The following ARHGEF26 variants were observed in gnomAD, a reference collection of about 807,000 sequenced individuals.
ARHGEF26 encodes Rho guanine nucleotide exchange factor (GEF) 26.
In ARHGEF26, 59 loss-of-function variants were observed where a neutral mutation model predicts 89.4. That is an observed-to-expected ratio of 0.66 (90% CI 0.54 to 0.82). The LOEUF (loss-of-function observed/expected upper bound fraction) is 0.82, where lower values mean the gene tolerates loss of function less well. ARHGEF26 is among the 40% of genes least tolerant of loss of function. ARHGEF26 has a pLI of 0.00. For missense variants in ARHGEF26, 1,234 were observed against 1,085.6 expected (o/e 1.14, Z -1.92); for synonymous variants, 500 against 428.4 (o/e 1.17, Z -2.06).
At chr3:154,206,179 T>G (rs1361403153) in intron 9 of ARHGEF26, among the ~76,000 whole-genome samples, 1 of 152,206 alleles carries the variant, frequency 6.6e-6, no homozygotes. Context: ...GGTAAAAGTT[T>G]TTTGCCTTCA....
intron 6 of ARHGEF26, among the ~76,000 whole-genome samples, chr3:154,173,387 A>T (rs1712582351): frequency 6.6e-6 from 1 of 152,216 alleles, no homozygotes; most frequent in Admixed American, 6.5e-5. Flanking sequence ...AAAATTATGA[A>T]GAGACAATTG....
intron 12 of ARHGEF26, among the ~76,000 whole-genome samples, chr3:154,245,203 T>C (rs1717729242): frequency 6.6e-6 from 1 of 152,070 alleles, no homozygotes; most frequent in Non-Finnish European, 1.5e-5. Context: ...AATTTTTTTA[T>C]TGTTAGTAGA....
At chr3:154,254,144 TG>T in intron 13 of ARHGEF26, among the ~76,000 whole-genome samples, 1 of 152,308 alleles carries the variant, frequency 6.6e-6, no homozygotes, top group East Asian at 1.9e-4. Flanking sequence ...CCCAATCTCC[TG>T]ACCTCGTGAT....
intron 9 of ARHGEF26, among the ~76,000 whole-genome samples, chr3:154,208,097 T>C (rs1390477126): frequency 1.3e-5 from 2 of 152,006 alleles, no homozygotes; most frequent in Admixed American, 6.6e-5. Flanking sequence ...TATTGGAGGA[T>C]GGTGGGTGGG....
At chr3:154,140,684 G>T (rs921316) in intron 4 of ARHGEF26, among the ~76,000 whole-genome samples, 1 of 149,854 alleles carries the variant, frequency 6.7e-6, no homozygotes, top group Non-Finnish European at 1.5e-5. Flanking sequence ...TCCCATAAGC[G>T]ATTCTTCTGC....
intron 6 of ARHGEF26, among the ~76,000 whole-genome samples, chr3:154,186,167 C>CACACACA (rs1170023336): frequency 2.1e-5 from 1 of 47,066 alleles, no homozygotes; most frequent in Non-Finnish European, 4.9e-5. Flanking sequence ...ACACACACAC[C>CACACACA]CCTATACACA....
At chr3:154,162,897 C>G (rs755870631) in intron 6 of ARHGEF26, among the ~76,000 whole-genome samples, 27 of 152,218 alleles carry the variant, frequency 1.8e-4, no homozygotes, top group Middle Eastern at 6.8e-3. Context: ...TACAAATGCA[C>G]TATAATAAAC....
At chr3:154,215,853 T>A (rs1715690111) in intron 9 of ARHGEF26, among the ~76,000 whole-genome samples, 1 of 152,118 alleles carries the variant, frequency 6.6e-6, no homozygotes, top group Non-Finnish European at 1.5e-5. Context: ...ATTATCACAC[T>A]GAGGTTAGGA....
chr3:154,209,001 A>G (rs1208187834), intron 9 of ARHGEF26, among the ~76,000 whole-genome samples: 1 of 151,966 alleles, frequency 6.6e-6, no homozygotes, highest in African/African-American at 2.4e-5. Context: ...TCCTGGCCTC[A>G]AGTAATCTGC....
At chr3:154,232,052 G>T (rs1320006318) in intron 11 of ARHGEF26, among the ~76,000 whole-genome samples, 2 of 152,106 alleles carry the variant, frequency 1.3e-5, no homozygotes, top group South Asian at 4.2e-4. Flanking sequence ...GTATAATTTG[G>T]ATAACCTTGT....
In ARHGEF26 at chr3:154,216,505, TTTTA is replaced by T. The variant is rs1164920434; in HGVS notation, c.1846-1360_1846-1357del. Among the ~76,000 whole-genome samples, 107 of 31,568 alleles carry T rather than the reference TTTTA, an allele frequency of 3.4e-3. 1 individual carries two copies. The highest frequency in any genetic ancestry group is 0.023 in the Admixed American group (46 of 1,986). The allele number at this position is 31,568 out of a possible 152,430, so 20.7% of individuals were successfully genotyped here. A position where few individuals can be genotyped will look rare whatever the true frequency, so the allele number is the denominator to read the frequency against. On this transcript the variant is annotated intron_variant, in intron 9 of 14. Transcript: ENST00000465093. ...TTTTTTTTTTTTATTTTTTTTTATT[TTTTA>T]TTTTTTTTTTATGTCTATACAAAAT...
intron 4 of ARHGEF26, among the ~76,000 whole-genome samples, chr3:154,134,948 A>G (rs181484224): frequency 5.3e-5 from 8 of 152,276 alleles, no homozygotes; most frequent in Admixed American, 3.9e-4. Flanking sequence ...CATGGTGGAT[A>G]AGCTTTTTGA....
At chr3:154,129,199 A>G (rs1718524423) in intron 3 of ARHGEF26, among the ~76,000 whole-genome samples, 1 of 152,168 alleles carries the variant, frequency 6.6e-6, no homozygotes, top group Admixed American at 6.5e-5. Flanking sequence ...CACGTCATAG[A>G]TACACAATAA....
chr3:154,243,150 T>TG (rs1432968746), intron 12 of ARHGEF26, among the ~76,000 whole-genome samples: 19 of 152,198 alleles, frequency 1.2e-4, no homozygotes, highest in African/African-American at 4.3e-4. Flanking sequence ...ATTTTTAGTA[T>TG]GCCTGTGCTT....
intron 11 of ARHGEF26, 60 bp from the exon 12 acceptor site, chr3:154,240,310 C>A: frequency 7.4e-7 from 1 of 1,349,758 alleles, no homozygotes; most frequent in Non-Finnish European, 1.0e-6. Flanking sequence ...GCCTCGAAAA[C>A]TGACAATGTC....
chr3:154,215,079 A>G (rs1715635820), intron 9 of ARHGEF26, among the ~76,000 whole-genome samples: 1 of 152,170 alleles, frequency 6.6e-6, no homozygotes, highest in Non-Finnish European at 1.5e-5. Flanking sequence ...CATGCTGGTG[A>G]CTTTCTTTTT....
intron 9 of ARHGEF26, among the ~76,000 whole-genome samples, chr3:154,202,197 G>A (rs1470602900): frequency 1.3e-5 from 2 of 152,050 alleles, no homozygotes; most frequent in East Asian, 1.9e-4. Context: ...TGTAAGGAAG[G>A]GATCCAGTTT....
intron 9 of ARHGEF26, among the ~76,000 whole-genome samples, chr3:154,215,138 G>C (rs977431024): frequency 1.3e-5 from 2 of 152,100 alleles, no homozygotes; most frequent in Non-Finnish European, 2.9e-5. Context: ...TGATCTAACC[G>C]TGGCCTATCT....
rs866313604 is a variant in ARHGEF26, at chr3:154,167,285, G to A, written c.1487+14353G>A. 2.0e-5 allele frequency among the ~76,000 whole-genome samples: 3 copies of A among 152,128 alleles called. No homozygotes were observed. In the East Asian group the frequency reaches 5.8e-4, roughly 29 times the overall value. ...AAATGTAACAGTAAGCTTGACAAGC[G>A]AGGTCCTTGTCCTTGAGACCTGGTG... On this transcript the variant is annotated intron_variant, in intron 6 of 14. Coordinates refer to ENST00000465093, the MANE Select transcript of ARHGEF26 (RefSeq NM_015595.4).
Sources: allele counts gnomAD v4.1 joint callset (sites outside exome capture counted in the v4.1 genomes callset), GRCh38; gene constraint gnomAD v4.1.1; transcripts MANE v1.5; gene names NCBI Gene and HGNC (gene_info 2026-07-23, HGNC 2026-07-21).